CAMK4: variants seen among roughly 807,000 people sequenced by gnomAD.
CAMK4 encodes calcium/calmodulin dependent protein kinase IV.
In CAMK4, 22 loss-of-function variants were observed where a neutral mutation model predicts 44.9. The ratio of observed to expected loss-of-function variants is 0.49; its 90% CI spans 0.35 to 0.70. The LOEUF is 0.70. CAMK4 is among the 30% of genes least tolerant of loss of function. The pLI is 0.01. For synonymous variants in CAMK4, 218 were observed against 215.4 expected, an observed-to-expected ratio of 1.01 and a Z score of -0.11; for missense variants, 498 against 586.8, an observed-to-expected ratio of 0.85 and a Z score of 1.56.
At chr5:111,377,518 G>C (rs962090992) in intron 4 of CAMK4, among the ~76,000 whole-genome samples, 1 of 148,054 alleles carries the variant, frequency 6.8e-6, no homozygotes, top group Non-Finnish European at 1.5e-5. Context: ...ATGGAGGGGG[G>C]TGGGGGTGGG....
At chr5:111,404,111 G>T (rs888084842) in intron 5 of CAMK4, among the ~76,000 whole-genome samples, 1 of 152,180 alleles carries the variant, frequency 6.6e-6, no homozygotes, top group Non-Finnish European at 1.5e-5. Flanking sequence ...ATTTTATGTT[G>T]AATGGGTTGG....
At chr5:111,438,493 G>T (rs1421741181) in intron 5 of CAMK4, among the ~76,000 whole-genome samples, 3 of 152,052 alleles carry the variant, frequency 2.0e-5, no homozygotes, top group Non-Finnish European at 4.4e-5. Context: ...GCCACTTAGA[G>T]AAAATTTATT....
chr5:111,322,412 C>G (rs1011260749), intron 1 of CAMK4, among the ~76,000 whole-genome samples: 11 of 151,996 alleles, frequency 7.2e-5, no homozygotes, highest in Non-Finnish European at 1.6e-4. Context: ...GACCATGACA[C>G]AGAATCAATA....
intron 8 of CAMK4, among the ~76,000 whole-genome samples, chr5:111,473,794 C>T (rs2112488486): frequency 6.6e-6 from 1 of 152,190 alleles, no homozygotes; most frequent in Non-Finnish European, 1.5e-5. Context: ...TAAGCAATTC[C>T]AAACTGGTAT....
At chr5:111,359,024 G>A (rs1750492285) in intron 2 of CAMK4, among the ~76,000 whole-genome samples, 1 of 152,124 alleles carries the variant, frequency 6.6e-6, no homozygotes, top group Non-Finnish European at 1.5e-5. Flanking sequence ...TGTGAACAGT[G>A]CTGCAGTGAA....
intron 5 of CAMK4, among the ~76,000 whole-genome samples, chr5:111,419,206 T>C (rs1462219139): frequency 6.6e-6 from 1 of 152,242 alleles, no homozygotes. Context: ...ATGATGAGCA[T>C]TTTTTCATGT....
chr5:111,290,005 C>A lies in CAMK4; in HGVS notation c.162-54019C>A, dbSNP rs1751382350. On this transcript the variant is annotated intron_variant, in intron 1 of 10. Transcript: ENST00000282356. The surrounding 1 kb of genome is among the most constrained non-coding windows in gnomAD (Gnocchi z 4.5). ...CAATATTCTATGGCAGGGTGTAAAG[C>A]TGTGGGGACAGGAAATACAAATTAC... 6.6e-6 allele frequency among the ~76,000 whole-genome samples: 1 copy of A among 152,168 alleles called. No homozygotes were observed. The highest frequency in any genetic ancestry group is 1.5e-5 in the Non-Finnish European group (1 of 68,024).
At chr5:111,300,912 T>C (rs1204587639) in intron 1 of CAMK4, among the ~76,000 whole-genome samples, 1 of 152,228 alleles carries the variant, frequency 6.6e-6, no homozygotes, top group Non-Finnish European at 1.5e-5. Context: ...ATCAAATTGT[T>C]TGAAAACATC....
chr5:111,332,478 A>G (rs1048230426), intron 1 of CAMK4, among the ~76,000 whole-genome samples: 9 of 151,340 alleles, frequency 5.9e-5, no homozygotes, highest in Non-Finnish European at 1.5e-5. Context: ...CCAGTCTATC[A>G]TTGTTGGACA....
intron 7 of CAMK4, among the ~76,000 whole-genome samples, chr5:111,461,841 A>G (rs1285019972): frequency 1.4e-5 from 2 of 148,028 alleles, no homozygotes; most frequent in African/African-American, 2.6e-5. Flanking sequence ...AAAAAATCCC[A>G]GCATTTGCCC....
rs985565505 is a variant in CAMK4 at position 111,491,785 on chromosome 5, TAAG to T, written c.*7324_*7326del. On this transcript the variant is annotated 3_prime_UTR_variant, in exon 11 of 11. Transcript: ENST00000282356. Reference sequence around the variant, plus strand: ...AGCTGTTACTTACTAAGCTAAGAAATAAGAAGATCCCTATGGTTCTGAATCTCT... The same window carrying T: ...AGCTGTTACTTACTAAGCTAAGAAATAAGATCCCTATGGTTCTGAATCTCT... 9.8e-5 allele frequency: 15 copies of T among 152,290 alleles called. No homozygotes were observed. Among genetic ancestry groups the T allele is most frequent in the African/African-American group, 3.1e-4 (13 of 41,584 alleles). The allele number at this position is 152,290 out of a possible 1,614,324, so 9.4% of individuals were successfully genotyped here.
chr5:111,480,606 C>G (rs996551994), intron 9 of CAMK4, among the ~76,000 whole-genome samples: 9 of 152,022 alleles, frequency 5.9e-5, no homozygotes, highest in African/African-American at 1.9e-4. Context: ...GTTTCAGAGT[C>G]TGACACACCT....
intron 6 of CAMK4, among the ~76,000 whole-genome samples, chr5:111,447,189 A>G (rs898283176): frequency 1.3e-5 from 2 of 152,196 alleles, no homozygotes; most frequent in Admixed American, 1.3e-4. Flanking sequence ...TATTTAGCAC[A>G]TATTAGTGAG....
chr5:111,451,245 G>A (rs796816877), intron 7 of CAMK4, among the ~76,000 whole-genome samples: 5 of 40,194 alleles, frequency 1.2e-4, no homozygotes. Context: ...GTACTATAGG[G>A]AAATTTATAT....
At chr5:111,296,464 A>C (rs1747487800) in intron 1 of CAMK4, among the ~76,000 whole-genome samples, 1 of 152,240 alleles carries the variant, frequency 6.6e-6, no homozygotes. Context: ...AAATCTTTTT[A>C]AAAGGGGCAG....
intron 1 of CAMK4, among the ~76,000 whole-genome samples, chr5:111,229,014 G>A (rs1439898923): frequency 6.6e-6 from 1 of 152,116 alleles, no homozygotes; most frequent in Non-Finnish European, 1.5e-5. Context: ...TATTCTACAT[G>A]GTAACATGTA....
chr5:111,352,734 A>G (rs927270323), intron 2 of CAMK4, among the ~76,000 whole-genome samples: 1 of 151,920 alleles, frequency 6.6e-6, no homozygotes, highest in African/African-American at 2.4e-5. Context: ...TCATGCTTTT[A>G]TAAGGGAACT....
At chr5:111,315,046 G>A (rs1748362195) in intron 1 of CAMK4, among the ~76,000 whole-genome samples, 1 of 152,114 alleles carries the variant, frequency 6.6e-6, no homozygotes, top group African/African-American at 2.4e-5. Context: ...AAGACACTTG[G>A]TTTCCTGGTA....
intron 2 of CAMK4, among the ~76,000 whole-genome samples, chr5:111,362,011 A>G (rs1336664786): frequency 6.6e-6 from 1 of 152,094 alleles, no homozygotes; most frequent in African/African-American, 2.4e-5. Flanking sequence ...TAAGAATTAA[A>G]AAATTGGAAA....
Sources: gnomAD v4.1 joint callset for allele counts (sites outside exome capture counted in the v4.1 genomes callset) on GRCh38, gnomAD v4.1.1 for gene constraint, Gnocchi (gnomAD v3.1) non-coding constraint, MANE v1.5 for transcripts, NCBI Gene and HGNC (gene_info 2026-07-23, HGNC 2026-07-21) for gene names.